The following LRRK1 variants were observed in gnomAD, a reference collection of about 807,000 sequenced individuals.
LRRK1 encodes the protein leucine-rich repeat serine/threonine-protein kinase 1.
Under a neutral mutation model 209.1 loss-of-function variants are expected in LRRK1, and 113 were observed. The ratio of observed to expected loss-of-function variants is 0.54; its 90% CI spans 0.46 to 0.63. LRRK1 has a LOEUF of 0.63. Ranked by LOEUF, LRRK1 falls within the 30% of genes least tolerant of loss-of-function variation. The probability of loss-of-function intolerance (pLI) is 0.00; values close to 1 mark genes in which losing one functional copy is unlikely to be tolerated. For synonymous variants in LRRK1, 1,144 were observed against 1,099.7 expected (o/e 1.04, Z -0.80); for missense variants, 2,284 against 2,632.2 (o/e 0.87, Z 2.89).
chr15:101,019,243 A>G lies in LRRK1; in HGVS notation c.1610-1810A>G, dbSNP rs150756530. On this transcript the variant is annotated intron_variant, in intron 12 of 33. Transcript: ENST00000388948. ...TTCATAAACACCGTAGCGAAACTTT[A>G]AAAGTTTGGAAAGCACAGAGGCCAG... Among the ~76,000 whole-genome samples the G allele has an allele frequency of 7.6e-3, 1,156 of 152,274 alleles. 20 individuals are homozygous for G. The highest frequency in any genetic ancestry group is 0.026 in the African/African-American group (1,089 of 41,546).
chr15:101,046,617 A>G (rs2035091786), intron 21 of LRRK1, among the ~76,000 whole-genome samples: 1 of 152,184 alleles, frequency 6.6e-6, no homozygotes, highest in African/African-American at 2.4e-5. Flanking sequence ...CGCCTGGAGG[A>G]AATTCTAAAA....
In LRRK1 at chr15:101,003,674, G is replaced by A. The variant is rs185858643; in HGVS notation, c.763-5163G>A. On this transcript the variant is annotated intron_variant, in intron 6 of 33. Coordinates refer to ENST00000388948, the MANE Select transcript of LRRK1 (RefSeq NM_024652.6). ...TCATGAGAACAGTATGGGGGAAACC[G>A]CCCCATGATTTAATTATCTTCCACC... 5.3e-5 allele frequency among the ~76,000 whole-genome samples: 8 copies of A among 152,144 alleles called. No individual in the cohort carries two copies. In the East Asian group the frequency reaches 7.7e-4, roughly 15 times the overall value.
chr15:101,012,080 C>G lies in LRRK1; in HGVS notation c.1354C>G (p.Leu452Val). ...DKMAVFWKNHLKDVDFSENAL... is the reference protein window; with the variant it reads ...DKMAVFWKNHVKDVDFSENAL... Reference sequence around the variant, plus strand: ...AATGGCTGTCTTTTGGAAAAATCACCTGAAGGATGTGGATTTCTCAGAAAA... The same window carrying G: ...AATGGCTGTCTTTTGGAAAAATCACGTGAAGGATGTGGATTTCTCAGAAAA... The change falls in exon 10 of 34, where the codon CTG (leucine) becomes GTG (valine). Residue 452 changes from leucine (L) to valine (V), a missense_variant. By Grantham distance (32) the Leu-to-Val change is conservative. This residue lies in a region of LRRK1 where 494 missense variants were observed against 522.1 expected (regional missense o/e 0.95). Coordinates refer to ENST00000388948, the MANE Select transcript of LRRK1 (RefSeq NM_024652.6). The G allele has an allele frequency of 6.2e-7, 1 of 1,612,996 alleles. No homozygotes were observed. The highest frequency in any genetic ancestry group is 1.3e-5 in the African/African-American group (1 of 74,986).
intron 2 of LRRK1, among the ~76,000 whole-genome samples, chr15:100,942,786 C>T (rs1011312081): frequency 6.6e-6 from 1 of 152,106 alleles, no homozygotes; most frequent in Non-Finnish European, 1.5e-5. Flanking sequence ...GCAAGGCTGA[C>T]GATGGGTGCC....
intron 20 of LRRK1, among the ~76,000 whole-genome samples, chr15:101,041,642 A>G (rs6598423): frequency 0.98 from 148,420 of 152,220 alleles, 72,466 homozygotes; most frequent in East Asian, 1. Flanking sequence ...GCACGATACC[A>G]GGACATTACT....
intron 20 of LRRK1, among the ~76,000 whole-genome samples, chr15:101,034,986 C>T (rs2034439458): frequency 6.6e-6 from 1 of 151,472 alleles, no homozygotes; most frequent in Admixed American, 6.6e-5. Flanking sequence ...CTTTTCTCTT[C>T]TTGGTTACTC....
At chr15:101,004,952 G>A (rs1433480092) in intron 6 of LRRK1, among the ~76,000 whole-genome samples, 1 of 152,222 alleles carries the variant, frequency 6.6e-6, no homozygotes, top group Non-Finnish European at 1.5e-5. Flanking sequence ...ATTTTCAATA[G>A]AGACTTAAGA....
Position 101,048,485 on chromosome 15 carries a change from G to T in LRRK1, c.3136-9G>T. 1 of 1,602,802 alleles carries T rather than the reference G, an allele frequency of 6.2e-7. No individual in the cohort carries two copies. Reference sequence around the variant, plus strand: ...AATACTTAAGCAGGGTCTTTTCTCTGTCTTTCAGCTTTTTGAAAACAAGAA... The same window carrying T: ...AATACTTAAGCAGGGTCTTTTCTCTTTCTTTCAGCTTTTTGAAAACAAGAA... On this transcript the variant is annotated splice_polypyrimidine_tract_variant and intron_variant, in intron 21 of 33. Coordinates refer to ENST00000388948, the MANE Select transcript of LRRK1 (RefSeq NM_024652.6).
At chr15:100,968,679 TTTCTTTCTTTCTTTCC>T (rs2030642232) in intron 2 of LRRK1, among the ~76,000 whole-genome samples, 4 of 79,546 alleles carry the variant, frequency 5.0e-5, no homozygotes, top group Non-Finnish European at 9.2e-5. Flanking sequence ...TTTTTCTTTC[TTTCTTTCTTTCTTTCC>T]TTCCTTCCTT....
chr15:101,023,058 G>A (rs2033870834), intron 15 of LRRK1, among the ~76,000 whole-genome samples: 1 of 152,052 alleles, frequency 6.6e-6, no homozygotes, highest in Non-Finnish European at 1.5e-5. Context: ...AAGTGGTCTG[G>A]GATAAGGCAC....
At chr15:101,003,227 C>T (rs1596258768) in intron 6 of LRRK1, among the ~76,000 whole-genome samples, 1 of 152,198 alleles carries the variant, frequency 6.6e-6, no homozygotes, top group African/African-American at 2.4e-5. Context: ...CCAAGCATGT[C>T]TATTTTCCGA....
intron 2 of LRRK1, among the ~76,000 whole-genome samples, chr15:100,951,964 A>AAAAT (rs1555460105): frequency 1.2e-3 from 178 of 146,560 alleles, no homozygotes; most frequent in South Asian, 5.5e-3. Flanking sequence ...AGAAAAAAAA[A>AAAAT]AATAATAATA....
intron 2 of LRRK1, among the ~76,000 whole-genome samples, chr15:100,961,860 T>C (rs2029991907): frequency 6.6e-6 from 1 of 152,150 alleles, no homozygotes; most frequent in Admixed American, 6.5e-5. Flanking sequence ...GGAAGTCAAA[T>C]GCACGCAGGA....
At position 101,070,174 on chromosome 15, in the gene LRRK1, C is replaced by T. The variant is rs2036740506; in HGVS notation, c.*1326C>T. On this transcript the variant is annotated 3_prime_UTR_variant, in exon 34 of 34. Transcript: ENST00000388948. The stretch of plus-strand genomic sequence containing the variant: ...GCACGGGCTCAGTCCCTCCCAGACC[C>T]ACTCGCTGTCTGGGGATAATGGGCA... 1 of 152,232 alleles carries T rather than the reference C, an allele frequency of 6.6e-6. No homozygotes were observed. The highest frequency in any genetic ancestry group is 6.5e-5 in the Admixed American group (1 of 15,280). 9.4% of individuals were successfully genotyped at this position (152,232 alleles called of 1,614,324 possible).
intron 2 of LRRK1, among the ~76,000 whole-genome samples, chr15:100,929,183 C>T (rs2042165643): frequency 6.6e-6 from 1 of 152,178 alleles, no homozygotes; most frequent in South Asian, 2.1e-4. Context: ...CAGGAAACTT[C>T]CACATAATTC....
chr15:100,944,751 G>A (rs1338422342), intron 2 of LRRK1, among the ~76,000 whole-genome samples: 2 of 152,176 alleles, frequency 1.3e-5, no homozygotes, highest in South Asian at 2.1e-4. Context: ...GGAAAAGGAA[G>A]AAAACATGAC....
rs185521489 is a variant in LRRK1, at chr15:100,974,862, C to T, written c.261+895C>T. ...TGGACCATCACCACATTTTTTGCCCCTGTGGGGGCTTCTTACTGGCTATTA... is the reference window on the plus strand; with the variant it reads ...TGGACCATCACCACATTTTTTGCCCTTGTGGGGGCTTCTTACTGGCTATTA... On this transcript the variant is annotated intron_variant, in intron 3 of 33. Transcript: ENST00000388948. Among the ~76,000 whole-genome samples, 1,191 of 152,286 alleles carry T rather than the reference C, an allele frequency of 7.8e-3. 17 individuals are homozygous for T. The highest frequency in any genetic ancestry group is 0.028 in the African/African-American group (1,144 of 41,566).
chr15:100,983,577 G>A lies in LRRK1; in HGVS notation c.311G>A (p.Arg104His), dbSNP rs1427176646. Residue 104 changes from arginine (R) to histidine (H), a missense_variant, in exon 4 of 34, where the codon CGC becomes CAC. Transcript: ENST00000388948. ...GCCTATGGGGATCTGGAGATGGTCC[G>A]CTACCTACTCAGCAAGAGACTGGTG... ...PAAYGDLEMVRYLLSKRLVEL... is the reference protein window; with the variant it reads ...PAAYGDLEMVHYLLSKRLVEL... 3.7e-6 allele frequency: 6 copies of A among 1,611,218 alleles called. No homozygotes were observed. Among genetic ancestry groups the A allele is most frequent in the Non-Finnish European group, 4.2e-6 (5 of 1,178,196 alleles).
intron 2 of LRRK1, among the ~76,000 whole-genome samples, chr15:100,957,669 C>T (rs529291809): frequency 6.6e-6 from 1 of 152,174 alleles, no homozygotes; most frequent in Non-Finnish European, 1.5e-5. Flanking sequence ...CCTTCACTTT[C>T]CATCTATGTG....
Sources: gnomAD v4.1 joint callset for allele counts (sites outside exome capture counted in the v4.1 genomes callset) on GRCh38, gnomAD v4.1.1 for gene constraint, gnomAD v4.1.1 regional missense constraint, MANE v1.5 for transcripts, NCBI Gene and HGNC (gene_info 2026-07-23, HGNC 2026-07-21) for gene names.